The following PDE1A variants were observed in gnomAD, a reference collection of about 807,000 sequenced individuals.
The protein encoded by PDE1A is phosphodiesterase 1A, also known as dual specificity calcium/calmodulin-dependent 3',5'-cyclic nucleotide phosphodiesterase 1A.
In PDE1A, 35 loss-of-function variants were observed where a neutral mutation model predicts 61.7. That is an observed-to-expected ratio of 0.57 (90% CI 0.43 to 0.75). PDE1A has a LOEUF of 0.75. Ranked by LOEUF, PDE1A falls within the 30% of genes least tolerant of loss-of-function variation. The pLI is 0.00. For missense variants in PDE1A, 597 were observed against 630.6 expected (o/e 0.95, Z 0.57); for synonymous variants, 232 against 213.2 (o/e 1.09, Z -0.77).
chr2:182,559,515 C>T, the PDE1A span, among the ~76,000 whole-genome samples: 2 of 152,154 alleles, frequency 1.3e-5, no homozygotes, highest in Admixed American at 6.6e-5. Flanking sequence ...CCAGAATTCT[C>T]TGACATTGCT....
chr2:182,169,914 A>ACACACACG (rs749617932), intron 13 of PDE1A, among the ~76,000 whole-genome samples: 1 of 101,660 alleles, frequency 9.8e-6, no homozygotes, highest in African/African-American at 3.3e-5. Flanking sequence ...ACACACACAC[A>ACACACACG]CACACACGCA....
chr2:182,224,319 G>T (rs1378677151), intron 6 of PDE1A, among the ~76,000 whole-genome samples: 1 of 151,782 alleles, frequency 6.6e-6, no homozygotes, highest in Non-Finnish European at 1.5e-5. Flanking sequence ...TTATCATACA[G>T]CTCATACATT....
At chr2:182,289,663 C>T (rs1217569436) in intron 1 of PDE1A, among the ~76,000 whole-genome samples, 1 of 152,012 alleles carries the variant, frequency 6.6e-6, no homozygotes, top group Non-Finnish European at 1.5e-5. Context: ...TGTAGCAGTT[C>T]GTTCAATTTC....
intron 1 of PDE1A, among the ~76,000 whole-genome samples, chr2:182,364,539 A>C (rs1044377972): frequency 2.1e-5 from 3 of 141,074 alleles, no homozygotes; most frequent in Non-Finnish European, 4.6e-5. Flanking sequence ...TACCCCTTGC[A>C]GGAAAAGCTA....
At chr2:182,465,216 A>G (rs974866304) in intron 2 of PDE1A, among the ~76,000 whole-genome samples, 1 of 152,164 alleles carries the variant, frequency 6.6e-6, no homozygotes, top group Non-Finnish European at 1.5e-5. Flanking sequence ...AATATTTAAA[A>G]TCTAACCTAA....
intron 2 of PDE1A, among the ~76,000 whole-genome samples, chr2:182,504,944 T>C (rs779853074): frequency 3.9e-5 from 6 of 152,336 alleles, no homozygotes; most frequent in East Asian, 3.9e-4. Context: ...TAAGGACCCA[T>C]GCGAAGAGTC....
At chr2:182,687,964 G>C in the PDE1A span, among the ~76,000 whole-genome samples, 1 of 152,182 alleles carries the variant, frequency 6.6e-6, no homozygotes, top group Non-Finnish European at 1.5e-5. Flanking sequence ...GAAGTGAGAA[G>C]AGAAGTTTAG....
the PDE1A span, among the ~76,000 whole-genome samples, chr2:182,643,533 C>T: frequency 1.3e-5 from 2 of 152,098 alleles, no homozygotes; most frequent in African/African-American, 2.4e-5. Flanking sequence ...AATATGTTTG[C>T]TCTACAACAA....
At chr2:182,445,699 TA>T (rs1685087913) in intron 2 of PDE1A, among the ~76,000 whole-genome samples, 1 of 152,120 alleles carries the variant, frequency 6.6e-6, no homozygotes, top group African/African-American at 2.4e-5. Context: ...AGTTTCTGCC[TA>T]GGGCAATACC....
In PDE1A at chr2:182,403,584, G is replaced by A. The variant is rs1305644059; in HGVS notation, c.53+22994C>T. 1.1e-4 allele frequency among the ~76,000 whole-genome samples: 13 copies of A among 120,482 alleles called. No homozygotes were observed. The East Asian group carries it at 2.9e-3, about 27-fold the overall frequency. 79.0% of individuals were successfully genotyped at this position (120,482 alleles called of 152,430 possible). A position where few individuals can be genotyped will look rare whatever the true frequency, so the allele number is the denominator to read the frequency against. ...ACTGCACTCCAGCCTGGGCGACAGA[G>A]CCAGACTCCGTCTCAAAAAAAAAAA... On this transcript the variant is annotated intron_variant, in intron 1 of 13. Transcript: ENST00000351439.
chr2:182,532,327 T>A, the PDE1A span, among the ~76,000 whole-genome samples: 15 of 152,200 alleles, frequency 9.9e-5, no homozygotes, highest in Non-Finnish European at 1.8e-4. Flanking sequence ...ACTCTATGCA[T>A]CACAACATCA....
At chr2:182,246,076 A>C (rs1413981026) in intron 2 of PDE1A, among the ~76,000 whole-genome samples, 1 of 152,144 alleles carries the variant, frequency 6.6e-6, no homozygotes, top group Admixed American at 6.5e-5. Flanking sequence ...TTAAAGTTTA[A>C]GTCAGACCAC....
chr2:182,259,796 C>A (rs12693299), intron 2 of PDE1A, among the ~76,000 whole-genome samples: 40,376 of 152,126 alleles, frequency 0.27, 5,517 homozygotes, highest in Middle Eastern at 0.36. Context: ...TCTCAGGCAG[C>A]TGCCTGCCCT....
At chr2:182,166,511 G>C (rs1004098611), downstream of PDE1A, among the ~76,000 whole-genome samples, 2 of 152,154 alleles carry the variant, frequency 1.3e-5, no homozygotes, top group Non-Finnish European at 2.9e-5. Flanking sequence ...GGTGGTCTAA[G>C]GCCTTTGGCC....
the PDE1A span, among the ~76,000 whole-genome samples, chr2:182,705,894 T>G: frequency 6.6e-6 from 1 of 152,246 alleles, no homozygotes; most frequent in Non-Finnish European, 1.5e-5. Flanking sequence ...ATTACTGATT[T>G]CATTATTATG....
At chr2:182,708,584 T>G in the PDE1A span, among the ~76,000 whole-genome samples, 1 of 152,072 alleles carries the variant, frequency 6.6e-6, no homozygotes, top group East Asian at 1.9e-4. Context: ...AAGCACCTTC[T>G]TCAGAAGCCC....
At chr2:182,478,681 C>T (rs1254259152) in intron 2 of PDE1A, among the ~76,000 whole-genome samples, 3 of 151,888 alleles carry the variant, frequency 2.0e-5, no homozygotes, top group Non-Finnish European at 4.4e-5. Context: ...ATACATTTGT[C>T]CTGCTGCCTC....
intron 2 of PDE1A, among the ~76,000 whole-genome samples, chr2:182,479,264 A>T (rs902835216): frequency 1.3e-5 from 2 of 151,912 alleles, no homozygotes; most frequent in African/African-American, 2.4e-5. Context: ...CATCTTAAGG[A>T]TGCATAAAAG....
At chr2:182,374,499 T>C (rs574070521) in intron 1 of PDE1A, among the ~76,000 whole-genome samples, 1 of 152,298 alleles carries the variant, frequency 6.6e-6, no homozygotes, top group East Asian at 1.9e-4. Flanking sequence ...ACTTCTGCTA[T>C]TTAAAAGAGA....
Sources: gnomAD v4.1 joint callset for allele counts (sites outside exome capture counted in the v4.1 genomes callset) on GRCh38, gnomAD v4.1.1 for gene constraint, MANE v1.5 for transcripts, NCBI Gene and HGNC (gene_info 2026-07-23, HGNC 2026-07-21) for gene names.